FBXO10: variants seen among roughly 807,000 people sequenced by gnomAD.
The protein encoded by FBXO10 is F-box protein 10, also known as F-box only protein 10.
FBXO10 carries 39 observed loss-of-function variants against 80.7 expected under a neutral mutation model. The ratio of observed to expected loss-of-function variants is 0.48; its 90% CI spans 0.37 to 0.63. FBXO10 has a LOEUF of 0.63. Ranked by LOEUF, FBXO10 falls within the 30% of genes least tolerant of loss-of-function variation. The pLI is 0.00. For synonymous variants in FBXO10, 449 were observed against 489.6 expected (o/e 0.92, Z 1.09); for missense variants, 1,025 against 1,269.0 (o/e 0.81, Z 2.92).
intron 7 of FBXO10, chr9:37,522,044 C>G: frequency 1.7e-6 from 1 of 604,588 alleles, no homozygotes; most frequent in Non-Finnish European, 2.8e-6. Flanking sequence ...CTCACAAGCT[C>G]GGCTCGTTCC....
intron 1 of FBXO10, among the ~76,000 whole-genome samples, chr9:37,548,117 G>C (rs1822102983): frequency 6.6e-6 from 1 of 152,262 alleles, no homozygotes; most frequent in Non-Finnish European, 1.5e-5. Context: ...GGGCACAGTG[G>C]CTTATGCCTG....
intron 1 of FBXO10, among the ~76,000 whole-genome samples, chr9:37,545,998 T>C (rs1822047123): frequency 6.6e-6 from 1 of 152,014 alleles, no homozygotes; most frequent in Non-Finnish European, 1.5e-5. Flanking sequence ...AATACAAAAT[T>C]AGCCAGGCAT....
At chr9:37,521,514 A>G in intron 8 of FBXO10, 55 bp downstream of exon 8, 4 of 1,430,706 alleles carry the variant, frequency 2.8e-6, no homozygotes, top group Non-Finnish European at 3.7e-6. Context: ...AGAAAAAAAA[A>G]GACAGTGGGG....
intron 2 of FBXO10, among the ~76,000 whole-genome samples, chr9:37,540,631 G>A (rs1821886910): frequency 6.6e-6 from 1 of 152,104 alleles, no homozygotes; most frequent in African/African-American, 2.4e-5. Flanking sequence ...ACCATCTTCT[G>A]GCTCTGCATT....
chr9:37,554,794 T>C (rs1822295562), intron 1 of FBXO10, among the ~76,000 whole-genome samples: 1 of 152,240 alleles, frequency 6.6e-6, no homozygotes, highest in Non-Finnish European at 1.5e-5. Context: ...TAGTATTTCA[T>C]TGTATTAAGT....
chr9:37,529,135 G>A lies in FBXO10; in HGVS notation c.1695C>T (p.Asn565=). 6.2e-7 allele frequency: 1 copy of A among 1,613,992 alleles called. No individual in the cohort carries two copies. The highest frequency in any genetic ancestry group is 8.5e-7 in the Non-Finnish European group (1 of 1,179,882). ...EAGIYILYHG[N]PVVSGNHIFK... is the part of the protein sequence containing the mutation. ...ACAGCAGCACACACCTCACAACGGG[G>A]TTTCCGTGGTACAGGATGTAAATGC... is the stretch of plus-strand genomic sequence containing the variant. Residue 565 remains asparagine, a synonymous_variant, in exon 5 of 11, where the codon AAC becomes AAT. Transcript: ENST00000432825.
At chr9:37,517,890 C>T (rs1364689790) in intron 9 of FBXO10, among the ~76,000 whole-genome samples, 3 of 152,214 alleles carry the variant, frequency 2.0e-5, no homozygotes, top group African/African-American at 4.8e-5. Flanking sequence ...GGAGGGGACA[C>T]CCCATCCCTG....
rs1204462387 is a variant in FBXO10, at chr9:37,512,558, T to C, written c.2860A>G (p.Thr954Ala). The change falls in exon 11 of 11, where the codon ACC becomes GCC. Residue 954 changes from threonine (T) to alanine (A), a missense_variant. Around this residue, in one of 3 missense-constraint regions of FBXO10, gnomAD observed 97 missense variants for 101.8 expected, o/e 0.95. Coordinates refer to ENST00000432825, the MANE Select transcript of FBXO10 (RefSeq NM_012166.3). Reference sequence around the variant, plus strand: ...GCAGGTCTGTGTCCTCACAGGATGGTGCAGAAGACACTGCGGTTGCTGTGG... The same window carrying C: ...GCAGGTCTGTGTCCTCACAGGATGGCGCAGAAGACACTGCGGTTGCTGTGG... ...GYHSNRSVFC[T>A]IL The C allele has an allele frequency of 6.2e-7, 1 of 1,613,700 alleles. No homozygotes were observed. Among genetic ancestry groups the C allele is most frequent in the Non-Finnish European group, 8.5e-7 (1 of 1,179,700 alleles).
chr9:37,556,840 C>T (rs1022487759), intron 1 of FBXO10, among the ~76,000 whole-genome samples: 25 of 152,274 alleles, frequency 1.6e-4, no homozygotes, highest in African/African-American at 5.8e-4. Flanking sequence ...CCACCGCATC[C>T]AGCCTGTTCT....
chr9:37,572,898 T>C (rs1761987922), intron 1 of FBXO10, among the ~76,000 whole-genome samples: 1 of 152,162 alleles, frequency 6.6e-6, no homozygotes, highest in Admixed American at 6.5e-5. Context: ...CTTAGAAAAA[T>C]TGAGAAAACT....
intron 2 of FBXO10, among the ~76,000 whole-genome samples, chr9:37,538,235 C>T (rs910755985): frequency 6.6e-6 from 1 of 152,276 alleles, no homozygotes; most frequent in South Asian, 2.1e-4. Context: ...CCTCCTAAAA[C>T]CTCAAGTCTC....
In FBXO10 at chr9:37,545,658, T is replaced by C. The variant is rs1425912928; in HGVS notation, c.-6-3884A>G. On this transcript the variant is annotated intron_variant, in intron 1 of 10. Transcript: ENST00000432825. ...TGAATACCCAATTCTCTTTTGGGCA[T>C]TTCTACCTGGATGTTCCATAGATAA... 4.6e-5 allele frequency among the ~76,000 whole-genome samples: 7 copies of C among 152,350 alleles called. No individual in the cohort carries two copies. The East Asian group carries it at 1.2e-3, about 25-fold the overall frequency.
chr9:37,563,117 T>A (rs1472403530), intron 1 of FBXO10, among the ~76,000 whole-genome samples: 1 of 152,192 alleles, frequency 6.6e-6, no homozygotes, highest in Non-Finnish European at 1.5e-5. Flanking sequence ...CAAGATCTGA[T>A]GGTTTTATAA....
rs1031640285 is a variant in FBXO10 at position 37,541,908 on chromosome 9, T to C, written c.-6-134A>G. 8 of 712,824 alleles carry C rather than the reference T, an allele frequency of 1.1e-5. No homozygotes were observed. The African/African-American group carries it at 1.4e-4, about 13-fold the overall frequency. The allele number at this position is 712,824 out of a possible 1,614,324, so 44.2% of individuals were successfully genotyped here. A position where few individuals can be genotyped will look rare whatever the true frequency, so the allele number is the denominator to read the frequency against. ...CAGTGGTGCGATCTTGGCCTCACCATAACCTCCACCTCCCAGATTCAAGCA... is the reference window on the plus strand; with the variant it reads ...CAGTGGTGCGATCTTGGCCTCACCACAACCTCCACCTCCCAGATTCAAGCA... On this transcript the variant is annotated intron_variant, in intron 1 of 10. Coordinates refer to ENST00000432825, the MANE Select transcript of FBXO10 (RefSeq NM_012166.3).
rs764519599 is a variant in FBXO10, at chr9:37,516,001, T to C, written c.2599A>G (p.Ile867Val). 32 of 1,614,032 alleles carry C rather than the reference T, an allele frequency of 2.0e-5. No individual in the cohort carries two copies. The highest frequency in any genetic ancestry group is 2.6e-5 in the Non-Finnish European group (31 of 1,179,886). The change falls in exon 10 of 11, where the codon ATC (isoleucine) becomes GTC (valine). Residue 867 changes from isoleucine (I) to valine (V), a missense_variant. This residue lies in a region of FBXO10 where 478 missense variants were observed against 667.8 expected (regional missense o/e 0.72). Coordinates refer to ENST00000432825, the MANE Select transcript of FBXO10 (RefSeq NM_012166.3). ...RAKALVQENI[I>V]FQGKTSKTIF... ...GTCTTACTGGTTTTGCCCTGGAAGA[T>C]GATGTTTTCCTGCACCAGGGCCTTG... is the stretch of plus-strand genomic sequence containing the variant.
intron 1 of FBXO10, among the ~76,000 whole-genome samples, chr9:37,548,519 C>A (rs1022405121): frequency 6.6e-6 from 1 of 152,226 alleles, no homozygotes; most frequent in Non-Finnish European, 1.5e-5. Flanking sequence ...TGCTCCACCA[C>A]CTGTACTGTA....
chr9:37,537,632 G>C lies in FBXO10; in HGVS notation c.897C>G (p.Ser299Arg), dbSNP rs1359669931. The C allele has an allele frequency of 1.7e-5, 28 of 1,613,988 alleles. No homozygotes were observed. Among genetic ancestry groups the C allele is most frequent in the Non-Finnish European group, 2.4e-5 (28 of 1,179,884 alleles). Reference sequence around the variant, plus strand: ...TCTTTGGGCTCCAGGCCTGGTCCCGGCTCTCTAGGTCCAGGGACATTAAAA... The same window carrying C: ...TCTTTGGGCTCCAGGCCTGGTCCCGCCTCTCTAGGTCCAGGGACATTAAAA... Reference protein sequence around the residue: ...SDFLMSLDLESRDQAWSPKTC... With the variant: ...SDFLMSLDLERRDQAWSPKTC... The change falls in exon 3 of 11, where the codon AGC becomes AGG. Residue 299 changes from serine to arginine, a missense_variant. Ser to Arg is a moderately radical substitution (Grantham distance 110, BLOSUM62 -1). Around this residue, in one of 3 missense-constraint regions of FBXO10, gnomAD observed 450 missense variants for 499.4 expected, o/e 0.90. Coordinates refer to ENST00000432825, the MANE Select transcript of FBXO10 (RefSeq NM_012166.3).
intron 1 of FBXO10, among the ~76,000 whole-genome samples, chr9:37,566,988 T>C (rs997995377): frequency 6.6e-6 from 1 of 152,146 alleles, no homozygotes; most frequent in Non-Finnish European, 1.5e-5. Flanking sequence ...TTGGTTTACT[T>C]AGGAGACAGA....
At chr9:37,535,084 T>C (rs1821724172) in intron 3 of FBXO10, among the ~76,000 whole-genome samples, 1 of 152,140 alleles carries the variant, frequency 6.6e-6, no homozygotes, top group Admixed American at 6.5e-5. Flanking sequence ...AAGGAAGATC[T>C]GAAGCGGAGA....
Sources: allele counts gnomAD v4.1 joint callset (sites outside exome capture counted in the v4.1 genomes callset), GRCh38; gene constraint gnomAD v4.1.1; regional missense constraint gnomAD v4.1.1; transcripts MANE v1.5; gene names NCBI Gene and HGNC (gene_info 2026-07-23, HGNC 2026-07-21).